Variants in XAF1 observed in about 807,000 individuals in gnomAD.
XAF1 encodes the protein XIAP-associated factor 1.
In XAF1, 32 loss-of-function variants were observed where a neutral mutation model predicts 32.3. The ratio of observed to expected loss-of-function variants is 0.99; its 90% CI spans 0.75 to 1.33. The LOEUF is 1.33. XAF1 is among the 40% of genes most tolerant of loss of function. XAF1 has a pLI of 0.00. For missense variants in XAF1, 379 were observed against 366.0 expected, an observed-to-expected ratio of 1.04 and a Z score of -0.29; for synonymous variants, 120 against 125.9, an observed-to-expected ratio of 0.95 and a Z score of 0.31.
At chr17:6,759,482 T>G in intron 2 of XAF1, 180 bp from the exon 3 acceptor site, 1 of 1,444,188 alleles carries the variant, frequency 6.9e-7, no homozygotes, top group Non-Finnish European at 9.1e-7. Context: ...TGACAAACAC[T>G]TCTTGAACAC....
chr17:6,755,980 C>T, upstream of XAF1: 1 of 1,603,348 alleles, frequency 6.2e-7, no homozygotes, highest in Non-Finnish European at 8.5e-7. Context: ...AGATCTCCTC[C>T]CTCCCTGAAG....
intron 5 of XAF1, among the ~76,000 whole-genome samples, chr17:6,762,569 T>C (rs986113182): frequency 6.6e-6 from 1 of 152,214 alleles, no homozygotes; most frequent in Non-Finnish European, 1.5e-5. Context: ...CTGTTTTCGG[T>C]CCCATGTGGG....
At chr17:6,755,699 T>G, upstream of XAF1, 4 of 1,048,572 alleles carry the variant, frequency 3.8e-6, no homozygotes, top group Non-Finnish European at 3.5e-6. Flanking sequence ...GAGCCGGAGA[T>G]GGGGGAGAAG....
At chr17:6,758,480 A>G (rs1974890490) in intron 2 of XAF1, 2 of 546,122 alleles carry the variant, frequency 3.7e-6, no homozygotes, top group Admixed American at 3.1e-5. Context: ...TCCTCTCTGC[A>G]GGTGAGATGG....
intron 4 of XAF1, chr17:6,761,938 G>T: frequency 6.6e-7 from 1 of 1,518,258 alleles, no homozygotes; most frequent in Non-Finnish European, 8.8e-7. Context: ...CTGCTGCCCT[G>T]AGTGCACATC....
At chr17:6,773,075 T>G (rs1324284889) in intron 6 of XAF1, 38 bp from the exon 7 acceptor site, 2 of 1,572,634 alleles carry the variant, frequency 1.3e-6, no homozygotes, top group Non-Finnish European at 1.7e-6. Context: ...CACTTCTTAC[T>G]TTAACCATAT....
Position 6,770,743 on chromosome 17 carries a change from C to A in XAF1, c.608C>A (p.Thr203Asn). The stretch of plus-strand genomic sequence containing the variant: ...CCAAGTCAAGCTGCTGAAAATCAAA[C>A]TTCCACGATGGAGAAAGATGTTCGT... The part of the protein sequence containing the change: ...SLPSQAAENQ[T>N]STMEKDVRPK... Residue 203 changes from threonine to asparagine, a missense_variant, in exon 6 of 7, where the codon ACT (threonine) becomes AAT (asparagine). Thr to Asn is a moderately conservative substitution (Grantham distance 65). Transcript: ENST00000361842. 1 of 1,613,996 alleles carries A rather than the reference C, an allele frequency of 6.2e-7. No homozygotes were observed. The highest frequency in any genetic ancestry group is 8.5e-7 in the Non-Finnish European group (1 of 1,179,984).
Position 6,759,922 on chromosome 17 carries a change from TG to T in XAF1, c.225+206del, listed in dbSNP as rs145411868. ...AGATACTGATCAGAAGGGTTTTCCA[TG>T]GTCCATGAGTCCATCAGAGCTCAGA... On this transcript the variant is annotated intron_variant, in intron 3 of 6. Transcript: ENST00000361842. 1,080 of 864,938 alleles carry T rather than the reference TG, an allele frequency of 1.2e-3. 13 individuals carry two copies. In the African/African-American group the frequency reaches 0.016, roughly 13 times the overall value. 53.6% of individuals were successfully genotyped at this position (864,938 alleles called of 1,614,324 possible).
intron 5 of XAF1, among the ~76,000 whole-genome samples, chr17:6,766,059 C>T (rs1975608942): frequency 6.6e-6 from 1 of 152,130 alleles, no homozygotes; most frequent in Non-Finnish European, 1.5e-5. Flanking sequence ...GCTACTGCCT[C>T]TGGCTGGAAG....
chr17:6,758,038 T>C lies in XAF1; in HGVS notation c.33-51T>C, dbSNP rs369707448. 1.6e-5 allele frequency: 25 copies of C among 1,611,668 alleles called. No individual in the cohort carries two copies. In the African/African-American group the frequency reaches 1.9e-4, roughly 12 times the overall value. On this transcript the variant is annotated intron_variant, in intron 1 of 6. Transcript: ENST00000361842. ...GGGTATGAAATACAGCTCCATGTTT[T>C]ATAATATGAAAATAAGTCTATTTTT... is the stretch of plus-strand genomic sequence containing the variant.
intron 5 of XAF1, among the ~76,000 whole-genome samples, chr17:6,762,499 AC>A (rs2151540151): frequency 6.6e-6 from 1 of 152,308 alleles, no homozygotes; most frequent in African/African-American, 2.4e-5. Flanking sequence ...ATCACCTCTG[AC>A]CATCTCCAAA....
In XAF1 at chr17:6,773,135, C is replaced by T. The variant is rs753745723; in HGVS notation, c.872C>T (p.Ser291Leu). 1 of 1,605,484 alleles carries T rather than the reference C, an allele frequency of 6.2e-7. No homozygotes were observed. The highest frequency in any genetic ancestry group is 1.7e-5 in the Admixed American group (1 of 57,842). Residue 291 changes from serine to leucine, a missense_variant, in exon 7 of 7, where the codon TCA (serine) becomes TTA (leucine). By Grantham distance (145) the Ser-to-Leu change is moderately radical (BLOSUM62 -2). Coordinates refer to ENST00000361842, the MANE Select transcript of XAF1 (RefSeq NM_017523.5). Reference sequence around the variant, plus strand: ...TAGGAGAAATGCCGGTGGTTAGCTTCATCAAAAGGAAAACAAGTGAGAAAT... The same window carrying T: ...TAGGAGAAATGCCGGTGGTTAGCTTTATCAAAAGGAAAACAAGTGAGAAAT... Reference protein sequence around the residue: ...QHQEKCRWLASSKGKQVRNFS With the variant: ...QHQEKCRWLALSKGKQVRNFS
At chr17:6,760,368 A>AAAG in intron 3 of XAF1, 38 bp from the exon 4 acceptor site, 1 of 1,425,768 alleles carries the variant, frequency 7.0e-7, no homozygotes, top group South Asian at 1.3e-5. Flanking sequence ...AAAAAAAAAA[A>AAAG]GGGCCAGTGA....
At chr17:6,755,663 C>T, upstream of XAF1, 1 of 1,033,860 alleles carries the variant, frequency 9.7e-7, no homozygotes, top group Non-Finnish European at 1.2e-6. Context: ...CAAGTTCCCT[C>T]TTTCCTGCAG....
intron 1 of XAF1, among the ~76,000 whole-genome samples, chr17:6,757,167 A>G (rs1974753898): frequency 6.6e-6 from 1 of 152,036 alleles, no homozygotes; most frequent in African/African-American, 2.4e-5. Flanking sequence ...ATGCCCGGCT[A>G]ATTTTGTATT....
intron 5 of XAF1, among the ~76,000 whole-genome samples, chr17:6,764,175 G>A (rs1300293556): frequency 6.6e-6 from 1 of 152,168 alleles, no homozygotes; most frequent in Non-Finnish European, 1.5e-5. Context: ...TGAGGAAAAT[G>A]GGGATAATGG....
At chr17:6,765,818 C>A (rs184045230) in intron 5 of XAF1, among the ~76,000 whole-genome samples, 2 of 152,328 alleles carry the variant, frequency 1.3e-5, no homozygotes, top group East Asian at 3.9e-4. Flanking sequence ...CAGAGGTCAA[C>A]GTGATCCCTT....
Position 6,767,591 on chromosome 17 carries a change from A to G in XAF1, c.508-3052A>G, listed in dbSNP as rs918483920. Among the ~76,000 whole-genome samples, 6 of 152,360 alleles carry G rather than the reference A, an allele frequency of 3.9e-5. No individual in the cohort carries two copies. In the South Asian group the frequency reaches 1.2e-3, roughly 32 times the overall value. On this transcript the variant is annotated intron_variant, in intron 5 of 6. Transcript: ENST00000361842. ...AAGTATGTTAAAGCAAATCCAAGATATCCTGTTATTTCACCATCATTCTTT... is the reference window on the plus strand; with the variant it reads ...AAGTATGTTAAAGCAAATCCAAGATGTCCTGTTATTTCACCATCATTCTTT...
rs1425078670 is a variant in XAF1 at position 6,773,141 on chromosome 17, A to C, written c.878A>C (p.Lys293Thr). 3.7e-6 allele frequency: 6 copies of C among 1,604,970 alleles called. No homozygotes were observed. Among genetic ancestry groups the C allele is most frequent in the Non-Finnish European group, 5.1e-6 (6 of 1,177,482 alleles). ...AAATGCCGGTGGTTAGCTTCATCAAAAGGAAAACAAGTGAGAAATTTCAGC... is the reference window on the plus strand; with the variant it reads ...AAATGCCGGTGGTTAGCTTCATCAACAGGAAAACAAGTGAGAAATTTCAGC... Reference protein sequence around the residue: ...QEKCRWLASSKGKQVRNFS With the variant: ...QEKCRWLASSTGKQVRNFS Residue 293 changes from lysine to threonine, a missense_variant, in exon 7 of 7, where the codon AAA becomes ACA. Physicochemically the swap from Lys to Thr is moderately conservative, Grantham distance 78. Transcript: ENST00000361842.
Sources: allele counts gnomAD v4.1 joint callset (sites outside exome capture counted in the v4.1 genomes callset), GRCh38; gene constraint gnomAD v4.1.1; transcripts MANE v1.5; gene names NCBI Gene and HGNC (gene_info 2026-07-23, HGNC 2026-07-21).